LAMA2: variants seen among roughly 807,000 people sequenced by gnomAD.
LAMA2 encodes laminin subunit alpha-2.
In LAMA2, 269 loss-of-function variants were observed where a neutral mutation model predicts 364.8. The ratio of observed to expected loss-of-function variants is 0.74; its 90% CI spans 0.67 to 0.82. LAMA2 has a LOEUF of 0.82. Ranked by LOEUF, LAMA2 falls within the 40% of genes least tolerant of loss-of-function variation. The pLI is 0.00. For missense variants in LAMA2, 3,807 were observed against 3,873.2 expected, an observed-to-expected ratio of 0.98 and a Z score of 0.45; for synonymous variants, 1,379 against 1,370.6, an observed-to-expected ratio of 1.01 and a Z score of -0.14.
intron 58 of LAMA2, among the ~76,000 whole-genome samples, chr6:129,500,245 C>T (rs1424289626): frequency 1.3e-5 from 2 of 152,184 alleles, no homozygotes; most frequent in African/African-American, 4.8e-5. Context: ...ACTTCTCAGT[C>T]CTTTTCCAAC....
chr6:128,911,011 C>T (rs1350371354), intron 1 of LAMA2, among the ~76,000 whole-genome samples: 4 of 151,000 alleles, frequency 2.6e-5, no homozygotes, highest in Non-Finnish European at 4.4e-5. Flanking sequence ...TCTCCAGCTG[C>T]GTACTGGGAG....
chr6:129,296,794 T>C (rs193152697), intron 20 of LAMA2, among the ~76,000 whole-genome samples: 1 of 152,140 alleles, frequency 6.6e-6, no homozygotes, highest in Non-Finnish European at 1.5e-5. Flanking sequence ...TTTATATTTT[T>C]AAAAAATAAC....
At chr6:129,505,966 A>C (rs1786035698) in intron 61 of LAMA2, among the ~76,000 whole-genome samples, 1 of 152,204 alleles carries the variant, frequency 6.6e-6, no homozygotes, top group Non-Finnish European at 1.5e-5. Flanking sequence ...GGAGCAAGTT[A>C]ATCTTTTTTA....
chr6:129,453,264 C>T, intron 46 of LAMA2, 133 bp downstream of exon 46: 8 of 815,174 alleles, frequency 9.8e-6, no homozygotes, highest in Non-Finnish European at 1.6e-5. Flanking sequence ...TTGAAAACCT[C>T]AACGTCTTAC....
intron 17 of LAMA2, among the ~76,000 whole-genome samples, chr6:129,278,997 C>G (rs117979853): frequency 0.02 from 3,030 of 152,200 alleles, 47 homozygotes; most frequent in Non-Finnish European, 0.03. Context: ...GGAGCAGGAT[C>G]AAATCAGGAC....
chr6:129,167,067 G>A (rs938820457), intron 9 of LAMA2, among the ~76,000 whole-genome samples: 2 of 151,920 alleles, frequency 1.3e-5, no homozygotes, highest in African/African-American at 4.8e-5. Flanking sequence ...ATTCTTAATA[G>A]TAAAGAAATA....
rs149043152 is a variant in LAMA2, at chr6:129,138,787, C to T, written c.640-5114C>T. The stretch of plus-strand genomic sequence containing the variant: ...CTGACAATTCATAAAGATGATAATA[C>T]ACTTAGTACAAACTGAGCTTCAATG... On this transcript the variant is annotated intron_variant, in intron 4 of 64. Transcript: ENST00000421865. 1.1e-3 allele frequency among the ~76,000 whole-genome samples: 161 copies of T among 152,124 alleles called. 1 individual carries two copies. Among genetic ancestry groups the T allele is most frequent in the Non-Finnish European group, 3.1e-4 (21 of 67,976 alleles).
At chr6:129,301,105 G>T (rs1773523784) in intron 22 of LAMA2, among the ~76,000 whole-genome samples, 1 of 152,054 alleles carries the variant, frequency 6.6e-6, no homozygotes, top group African/African-American at 2.4e-5. Context: ...GGGGTAAAAA[G>T]AACAAAAATT....
rs145310035 is a variant in LAMA2 at position 128,883,319 on chromosome 6, C to T, written c.74C>T (p.Pro25Leu). 549 of 1,598,086 alleles carry T rather than the reference C, an allele frequency of 3.4e-4. 3 individuals carry two copies. In the African/African-American group the frequency reaches 5.7e-3, roughly 17 times the overall value. ...CTCGGGGGCGTACAGGCGCAGCGGC[C>T]GCAGCAGCAGCGGCAGTCACAGGCA... ...GGLGGVQAQR[P>L]QQQRQSQAHQ... The change falls in exon 1 of 65, where the codon CCG (proline) becomes CTG (leucine). Residue 25 changes from proline (P) to leucine (L), a missense_variant. This residue lies in a region of LAMA2 where 394 missense variants were observed against 403.5 expected (regional missense o/e 0.98). Coordinates refer to ENST00000421865, the MANE Select transcript of LAMA2 (RefSeq NM_000426.4).
In LAMA2 at chr6:129,301,062, A is replaced by G. The variant is rs530731149; in HGVS notation, c.3174+190A>G. ...AGGAAAGATGATGAAGTAAATATAC[A>G]TTTATGCAGCTGAACACTTGAAATC... On this transcript the variant is annotated intron_variant, in intron 22 of 64. Transcript: ENST00000421865. Among the ~76,000 whole-genome samples the G allele has an allele frequency of 2.6e-5, 4 of 152,298 alleles. No homozygotes were observed. In the South Asian group the frequency reaches 8.3e-4, roughly 32 times the overall value.
At chr6:129,123,387 A>ATC (rs1248684841) in intron 4 of LAMA2, among the ~76,000 whole-genome samples, 1 of 151,796 alleles carries the variant, frequency 6.6e-6, no homozygotes, top group Non-Finnish European at 1.5e-5. Flanking sequence ...ATATATATAT[A>ATC]TTCAAAGCAA....
At chr6:129,147,498 G>C (rs1049946906) in intron 6 of LAMA2, among the ~76,000 whole-genome samples, 12 of 151,978 alleles carry the variant, frequency 7.9e-5, no homozygotes, top group Admixed American at 2.0e-4. Context: ...GGGCAATAAG[G>C]GGGTGGAGGG....
chr6:129,459,238 C>T (rs1048606049), intron 48 of LAMA2, among the ~76,000 whole-genome samples: 2 of 151,956 alleles, frequency 1.3e-5, no homozygotes, highest in Admixed American at 6.6e-5. Context: ...ATTTGTGTAC[C>T]TAAACATAAA....
At chr6:129,475,901 T>C (rs1178920778) in intron 53 of LAMA2, among the ~76,000 whole-genome samples, 1 of 152,158 alleles carries the variant, frequency 6.6e-6, no homozygotes, top group Non-Finnish European at 1.5e-5. Context: ...TTACACAGCC[T>C]TTGCACCTCT....
chr6:129,503,159 A>G lies in LAMA2; in HGVS notation c.8426A>G (p.Asn2809Ser), dbSNP rs769892018. Reference protein sequence around the residue: ...SGLLFYMARINHADFATVQLR... With the variant: ...SGLLFYMARISHADFATVQLR... ...TTGCTTTTTTACATGGCTCGCATCA[A>G]TCATGCTGATTTTGCAACAGTTCAG... The change falls in exon 60 of 65, where the codon AAT becomes AGT. Residue 2809 changes from asparagine to serine, a missense_variant. Physicochemically the swap from Asn to Ser is conservative, Grantham distance 46 (BLOSUM62 1). Transcript: ENST00000421865. The G allele has an allele frequency of 4.1e-5, 66 of 1,614,074 alleles. No homozygotes were observed. The highest frequency in any genetic ancestry group is 5.3e-5 in the Non-Finnish European group (62 of 1,180,024).
At chr6:129,308,667 T>G (rs1774027321) in intron 22 of LAMA2, among the ~76,000 whole-genome samples, 2 of 152,282 alleles carry the variant, frequency 1.3e-5, no homozygotes, top group Admixed American at 1.3e-4. Context: ...AGAGCCTGTA[T>G]CAGACAATTC....
rs1453615875 is a variant in LAMA2 at position 129,280,096 on chromosome 6, G to T, written c.2486G>T (p.Gly829Val). The T allele has an allele frequency of 1.2e-6, 2 of 1,613,580 alleles. No individual in the cohort carries two copies. The highest frequency in any genetic ancestry group is 2.2e-5 in the East Asian group (1 of 44,866). ...SPTCHLDRSL[G>V]LICDGCPVGY... is the part of the protein sequence containing the mutation. ...ACGTGCCATTTAGACCGGAGTCTTG[G>T]ATTGATCTGTGATGGATGCCCTGTC... is the stretch of plus-strand genomic sequence containing the variant. The change falls in exon 18 of 65, where the codon GGA (glycine) becomes GTA (valine). Residue 829 changes from glycine to valine, a missense_variant. By Grantham distance (109) the Gly-to-Val change is moderately radical. Transcript: ENST00000421865.
At chr6:129,232,279 G>C (rs962035392) in intron 12 of LAMA2, among the ~76,000 whole-genome samples, 8 of 152,072 alleles carry the variant, frequency 5.3e-5, no homozygotes, top group Non-Finnish European at 1.2e-4. Context: ...GGAGATCTCA[G>C]CTTCTTCCTG....
chr6:129,255,818 G>A (rs1786620843), intron 14 of LAMA2, among the ~76,000 whole-genome samples: 1 of 152,172 alleles, frequency 6.6e-6, no homozygotes, highest in Non-Finnish European at 1.5e-5. Flanking sequence ...TGAAGTTAAT[G>A]ATTTGGGTAA....
Sources: gnomAD v4.1 joint callset for allele counts (sites outside exome capture counted in the v4.1 genomes callset) on GRCh38, gnomAD v4.1.1 for gene constraint, gnomAD v4.1.1 regional missense constraint, MANE v1.5 for transcripts, NCBI Gene and HGNC (gene_info 2026-07-23, HGNC 2026-07-21) for gene names.